IL18R1: variants seen among roughly 807,000 people sequenced by gnomAD.
IL18R1 encodes interleukin 18 receptor 1, also known as interleukin-18 receptor 1.
In IL18R1, 40 loss-of-function variants were observed where a neutral mutation model predicts 48.5. The observed-to-expected ratio is 0.82, with a 90% CI of 0.64 to 1.07. The LOEUF (loss-of-function observed/expected upper bound fraction) is 1.07. IL18R1 is among the 50% of genes least tolerant of loss of function. The pLI is 0.00. For synonymous variants in IL18R1, 232 were observed against 225.9 expected (o/e 1.03, Z -0.24); for missense variants, 596 against 633.7 (o/e 0.94, Z 0.64).
At chr2:102,390,699 C>T (rs964249840) in intron 9 of IL18R1, among the ~76,000 whole-genome samples, 1 of 151,832 alleles carries the variant, frequency 6.6e-6, no homozygotes. Context: ...TTTGAGAGTC[C>T]GAGACGGGCA....
At chr2:102,392,143 T>G (rs1248062493) in intron 9 of IL18R1, among the ~76,000 whole-genome samples, 1 of 152,236 alleles carries the variant, frequency 6.6e-6, no homozygotes, top group Non-Finnish European at 1.5e-5. Context: ...AAAATTATAT[T>G]AGTTCCTCTG....
At chr2:102,367,687 C>A in intron 2 of IL18R1, 138 bp from the exon 3 acceptor site, 1 of 700,268 alleles carries the variant, frequency 1.4e-6, no homozygotes, top group Non-Finnish European at 2.3e-6. Context: ...AAAGAACCCA[C>A]AGGAAATTGA....
At chr2:102,387,207 C>T (rs761129716) in intron 8 of IL18R1, among the ~76,000 whole-genome samples, 2 of 152,150 alleles carry the variant, frequency 1.3e-5, no homozygotes, top group Non-Finnish European at 2.9e-5. Flanking sequence ...CACCTGCTCT[C>T]ACAGTCATAT....
In IL18R1 at chr2:102,371,979, A is replaced by G. The variant is rs763302680; in HGVS notation, c.329A>G (p.Asn110Ser). ...AATTATACTCAGAAATGGAAATTAA[A>G]TGTCATCAGAAGAAATAAACACAGC... The part of the protein sequence containing the change: ...MKNYTQKWKL[N>S]VIRRNKHSCF... Residue 110 changes from asparagine to serine, a missense_variant, in exon 4 of 11, where the codon AAT (asparagine) becomes AGT (serine). Around this residue, in one of 3 missense-constraint regions of IL18R1, gnomAD observed 360 missense variants for 339.4 expected, o/e 1.06. Coordinates refer to ENST00000233957, the MANE Select transcript of IL18R1 (RefSeq NM_003855.5). 1.2e-5 allele frequency: 18 copies of G among 1,559,494 alleles called. No homozygotes were observed. In the East Asian group the frequency reaches 3.8e-4, roughly 33 times the overall value.
intron 9 of IL18R1, among the ~76,000 whole-genome samples, chr2:102,391,700 C>G (rs1340548036): frequency 6.6e-6 from 1 of 152,164 alleles, no homozygotes; most frequent in African/African-American, 2.4e-5. Flanking sequence ...AAGATGACAG[C>G]AAATTTTTTC....
intron 6 of IL18R1, 126 bp downstream of exon 6, chr2:102,381,808 C>G (rs932886940): frequency 2.9e-6 from 2 of 698,214 alleles, no homozygotes; most frequent in Non-Finnish European, 4.9e-6. Flanking sequence ...AATAACATTA[C>G]AAAACTAAGA....
intron 2 of IL18R1, among the ~76,000 whole-genome samples, chr2:102,366,564 A>C (rs984404620): frequency 2.0e-5 from 3 of 152,186 alleles, no homozygotes; most frequent in Admixed American, 6.5e-5. Context: ...CATTTTGTGT[A>C]TCTTTACAGT....
rs545810880 is a variant in IL18R1, at chr2:102,379,063, T to C, written c.626-2557T>C. 6.1e-4 allele frequency among the ~76,000 whole-genome samples: 93 copies of C among 152,230 alleles called. 1 individual carries two copies. The highest frequency in any genetic ancestry group is 1.1e-3 in the Non-Finnish European group (72 of 68,000). Reference sequence around the variant, plus strand: ...AAAGGTGTGATACCTCTCCTCCCCATCCTAAGGGTCATGGCAATGTTCCCA... The same window carrying C: ...AAAGGTGTGATACCTCTCCTCCCCACCCTAAGGGTCATGGCAATGTTCCCA... On this transcript the variant is annotated intron_variant, in intron 5 of 10. Coordinates refer to ENST00000233957, the MANE Select transcript of IL18R1 (RefSeq NM_003855.5).
intron 5 of IL18R1, 40 bp downstream of exon 5, chr2:102,376,103 T>G (rs201688186): frequency 8.0e-5 from 120 of 1,495,732 alleles, no homozygotes; most frequent in Non-Finnish European, 1.0e-4. Context: ...CAGACGTATT[T>G]TAGTAAAATG....
intron 2 of IL18R1, among the ~76,000 whole-genome samples, chr2:102,364,919 A>G (rs1257666999): frequency 1.3e-5 from 2 of 152,188 alleles, no homozygotes; most frequent in African/African-American, 4.8e-5. Flanking sequence ...CACTATCAGG[A>G]GCACAGCATG....
intron 4 of IL18R1, chr2:102,373,933 C>T (rs1263909698): frequency 2.2e-6 from 1 of 444,922 alleles, no homozygotes; most frequent in African/African-American, 2.0e-5. Context: ...CCCATCACCC[C>T]CAGATAGGAC....
At chr2:102,371,932 C>G in intron 3 of IL18R1, 21 bp from the exon 4 acceptor site, 1 of 1,378,380 alleles carries the variant, frequency 7.3e-7, no homozygotes, top group Non-Finnish European at 1.0e-6. Context: ...TATAAAATAC[C>G]TTTACACTTT....
chr2:102,361,676 G>A (rs959485668), intron 1 of IL18R1, among the ~76,000 whole-genome samples: 1 of 152,156 alleles, frequency 6.6e-6, no homozygotes, highest in Non-Finnish European at 1.5e-5. Flanking sequence ...AACTGGAGTG[G>A]CAGCCCAGGT....
chr2:102,361,313 A>G (rs138536475), intron 1 of IL18R1, among the ~76,000 whole-genome samples: 2,079 of 152,274 alleles, frequency 0.014, 42 homozygotes, highest in Non-Finnish European at 0.015. Flanking sequence ...TTCCATTCAT[A>G]CTTGTTTCTT....
chr2:102,375,797 T>C, intron 4 of IL18R1, 110 bp from the exon 5 acceptor site: 1 of 680,152 alleles, frequency 1.5e-6, no homozygotes, highest in South Asian at 3.0e-5. Context: ...ATTGCTACTT[T>C]CCATTCTTTT....
At chr2:102,376,607 G>C (rs556719225) in intron 5 of IL18R1, among the ~76,000 whole-genome samples, 18 of 152,182 alleles carry the variant, frequency 1.2e-4, no homozygotes, top group Non-Finnish European at 2.2e-4. Flanking sequence ...GGGTCTTGGA[G>C]GGGGAGCCTC....
At chr2:102,383,683 T>C (rs1680047284) in intron 6 of IL18R1, among the ~76,000 whole-genome samples, 1 of 152,214 alleles carries the variant, frequency 6.6e-6, no homozygotes, top group Non-Finnish European at 1.5e-5. Context: ...TAAGTGTCTC[T>C]CATAAACTGC....
intron 7 of IL18R1, among the ~76,000 whole-genome samples, chr2:102,385,745 T>C (rs1680187908): frequency 6.6e-6 from 1 of 152,244 alleles, no homozygotes; most frequent in Admixed American, 6.5e-5. Context: ...GGAGCAGGCA[T>C]GTGGTTCATG....
intron 9 of IL18R1, among the ~76,000 whole-genome samples, chr2:102,390,484 G>C (rs76669789): frequency 2.0e-5 from 3 of 152,040 alleles, no homozygotes; most frequent in African/African-American, 7.2e-5. Context: ...GGAGATGCTC[G>C]GGCCCAGGAA....
Sources: allele counts gnomAD v4.1 joint callset (sites outside exome capture counted in the v4.1 genomes callset), GRCh38; gene constraint gnomAD v4.1.1; regional missense constraint gnomAD v4.1.1; transcripts MANE v1.5; gene names NCBI Gene and HGNC (gene_info 2026-07-23, HGNC 2026-07-21).